The following CAMTA1 variants were observed in gnomAD, a reference collection of about 807,000 sequenced individuals.
CAMTA1 encodes calmodulin-binding transcription activator 1.
A neutral mutation model predicts 170.9 loss-of-function variants in CAMTA1; 27 were observed. The ratio of observed to expected loss-of-function variants is 0.16; its 90% CI spans 0.12 to 0.22. The LOEUF (loss-of-function observed/expected upper bound fraction) is 0.22. CAMTA1 is among the 10% of genes least tolerant of loss of function. CAMTA1 has a pLI of 1.00. For synonymous variants in CAMTA1, 833 were observed against 891.5 expected (o/e 0.93, Z 1.17); for missense variants, 1,619 against 2,217.2 (o/e 0.73, Z 5.42).
At chr1:7,241,263 A>G (rs1469200566) in intron 4 of CAMTA1, among the ~76,000 whole-genome samples, 2 of 152,244 alleles carry the variant, frequency 1.3e-5, no homozygotes, top group Non-Finnish European at 2.9e-5. Flanking sequence ...ATTGAAAACT[A>G]CAAAGTCTTA....
At chr1:7,629,320 T>C (rs1194617267) in intron 6 of CAMTA1, among the ~76,000 whole-genome samples, 4 of 152,236 alleles carry the variant, frequency 2.6e-5, no homozygotes, top group Non-Finnish European at 4.4e-5. Context: ...TGGTGTCTCC[T>C]AGATTTTGTG....
At position 7,113,241 on chromosome 1, in the gene CAMTA1, C is replaced by T. The variant is rs79547775; in HGVS notation, c.302+21870C>T. On this transcript the variant is annotated intron_variant, in intron 4 of 22. Coordinates refer to ENST00000303635, the MANE Select transcript of CAMTA1 (RefSeq NM_015215.4). The surrounding 1 kb of genome is among the most constrained non-coding windows in gnomAD (Gnocchi z 4.5). ...TCAACAAGAGGCCCCAGGACCTAGACAGCACCCTGGGGCCAGAGGATCGTG... is the reference window on the plus strand; with the variant it reads ...TCAACAAGAGGCCCCAGGACCTAGATAGCACCCTGGGGCCAGAGGATCGTG... Among the ~76,000 whole-genome samples the T allele has an allele frequency of 6.6e-6, 1 of 152,358 alleles. No individual in the cohort carries two copies. The highest frequency in any genetic ancestry group is 2.1e-4 in the South Asian group (1 of 4,832).
chr1:6,790,357 T>A (rs1036174530), intron 1 of CAMTA1, among the ~76,000 whole-genome samples: 7 of 145,138 alleles, frequency 4.8e-5, no homozygotes, highest in African/African-American at 1.0e-4. Flanking sequence ...GTGCAGAGTG[T>A]GAGAGAGAGA....
At chr1:6,787,750 T>C (rs1639828981) in intron 1 of CAMTA1, among the ~76,000 whole-genome samples, 1 of 152,258 alleles carries the variant, frequency 6.6e-6, no homozygotes, top group Non-Finnish European at 1.5e-5. Context: ...ACCAAGTCCC[T>C]GAATGTGCGA....
In CAMTA1 at chr1:7,251,095, G is replaced by T. The variant is rs139666985; in HGVS notation, c.438+1469G>T. Reference sequence around the variant, plus strand: ...CTCGCACCGGGAGTAATAGGGCTGCGGGAATTCAAACTGGAAGTCACGGCA... The same window carrying T: ...CTCGCACCGGGAGTAATAGGGCTGCTGGAATTCAAACTGGAAGTCACGGCA... On this transcript the variant is annotated intron_variant, in intron 5 of 22. Coordinates refer to ENST00000303635, the MANE Select transcript of CAMTA1 (RefSeq NM_015215.4). This position sits in a 1 kb window ranked among gnomAD's most constrained non-coding sequence, Gnocchi z 5.1. 6.6e-6 allele frequency among the ~76,000 whole-genome samples: 1 copy of T among 152,284 alleles called. No individual in the cohort carries two copies. Among genetic ancestry groups the T allele is most frequent in the African/African-American group, 2.4e-5 (1 of 41,548 alleles).
At chr1:7,686,704 A>G (rs1248309663) in intron 11 of CAMTA1, among the ~76,000 whole-genome samples, 6 of 152,198 alleles carry the variant, frequency 3.9e-5, no homozygotes, top group African/African-American at 1.4e-4. Context: ...CCACCGGCAC[A>G]GAGACTACTC....
intron 5 of CAMTA1, among the ~76,000 whole-genome samples, chr1:7,429,158 T>C (rs1418262446): frequency 6.6e-6 from 1 of 152,208 alleles, no homozygotes; most frequent in Non-Finnish European, 1.5e-5. Flanking sequence ...CTACAGGGTG[T>C]ATGTCCTTGA....
intron 1 of CAMTA1, among the ~76,000 whole-genome samples, chr1:6,799,635 G>A (rs1334201406): frequency 2.0e-5 from 3 of 152,148 alleles, no homozygotes; most frequent in Non-Finnish European, 4.4e-5. Flanking sequence ...TTCATGTGTT[G>A]GGTAAAGGGT....
chr1:7,106,319 G>A (rs1226633752), intron 4 of CAMTA1, among the ~76,000 whole-genome samples: 1 of 151,950 alleles, frequency 6.6e-6, no homozygotes, highest in Non-Finnish European at 1.5e-5. Flanking sequence ...CGAAAGAGGA[G>A]GATGAGGAGG....
intron 1 of CAMTA1, among the ~76,000 whole-genome samples, chr1:6,799,971 T>G (rs1208314249): frequency 6.6e-6 from 1 of 152,196 alleles, no homozygotes; most frequent in Non-Finnish European, 1.5e-5. Flanking sequence ...CCTTTTGAGG[T>G]CCTTGCTCCA....
intron 4 of CAMTA1, among the ~76,000 whole-genome samples, chr1:7,120,024 A>T (rs1043231680): frequency 1.3e-5 from 2 of 152,172 alleles, no homozygotes; most frequent in Non-Finnish European, 2.9e-5. Flanking sequence ...AGGTATAATT[A>T]TTATCACCAT....
chr1:7,165,474 C>T (rs570025667), intron 4 of CAMTA1, among the ~76,000 whole-genome samples: 6 of 152,280 alleles, frequency 3.9e-5, no homozygotes, highest in African/African-American at 1.2e-4. Context: ...CTCTGTCACC[C>T]AGGCTGGAGT....
intron 5 of CAMTA1, among the ~76,000 whole-genome samples, chr1:7,370,927 T>TTTTTTTTTG (rs2086400202): frequency 1.4e-5 from 2 of 142,530 alleles, no homozygotes; most frequent in Admixed American, 7.1e-5. Flanking sequence ...TTTTTTTTTT[T>TTTTTTTTTG]TTGAGACGGA....
intron 5 of CAMTA1, among the ~76,000 whole-genome samples, chr1:7,385,250 C>T (rs745874283): frequency 3.9e-5 from 6 of 151,982 alleles, no homozygotes; most frequent in African/African-American, 7.3e-5. Context: ...CCACCACTCC[C>T]GGCTAAGTTT....
intron 3 of CAMTA1, among the ~76,000 whole-genome samples, chr1:7,062,745 C>G (rs1370459270): frequency 2.0e-5 from 3 of 152,206 alleles, no homozygotes; most frequent in African/African-American, 7.2e-5. Context: ...TCCCGAGGCC[C>G]GACCTCCAAG....
At chr1:7,211,855 A>G (rs1242404379) in intron 4 of CAMTA1, among the ~76,000 whole-genome samples, 1 of 152,184 alleles carries the variant, frequency 6.6e-6, no homozygotes, top group Non-Finnish European at 1.5e-5. Context: ...ATCCACACCT[A>G]CTTCTAAACA....
chr1:7,502,262 T>A (rs1367296710), intron 6 of CAMTA1, among the ~76,000 whole-genome samples: 4 of 152,184 alleles, frequency 2.6e-5, no homozygotes, highest in African/African-American at 9.7e-5. Flanking sequence ...CTAAACCCAG[T>A]CTTCATGCAG....
At chr1:6,822,280 G>A (rs531512245) in intron 2 of CAMTA1, among the ~76,000 whole-genome samples, 40 of 152,216 alleles carry the variant, frequency 2.6e-4, no homozygotes, top group Non-Finnish European at 4.6e-4. Context: ...TTAAAAAGCA[G>A]ATTTTAATTT....
At chr1:6,888,217 C>G (rs530375217) in intron 3 of CAMTA1, 1 of 985,794 alleles carries the variant, frequency 1.0e-6, no homozygotes, top group Non-Finnish European at 1.2e-6. Flanking sequence ...GGGTCACTTG[C>G]GTCGCATCCT....
Sources: gnomAD v4.1 joint callset for allele counts (sites outside exome capture counted in the v4.1 genomes callset) on GRCh38, gnomAD v4.1.1 for gene constraint, Gnocchi (gnomAD v3.1) non-coding constraint, MANE v1.5 for transcripts, NCBI Gene and HGNC (gene_info 2026-07-23, HGNC 2026-07-21) for gene names.